The following PDZRN3 variants were observed in gnomAD, a reference collection of about 807,000 sequenced individuals.
PDZRN3 encodes the protein E3 ubiquitin-protein ligase PDZRN3.
Under a neutral mutation model 85.7 loss-of-function variants are expected in PDZRN3, and 38 were observed. The ratio of observed to expected loss-of-function variants is 0.44; its 90% CI spans 0.34 to 0.58. PDZRN3 has a LOEUF of 0.58. PDZRN3 is among the 20% of genes least tolerant of loss of function. The pLI is 0.01. For synonymous variants in PDZRN3, 759 were observed against 638.0 expected (o/e 1.19, Z -2.86); for missense variants, 1,629 against 1,506.4 (o/e 1.08, Z -1.35).
intron 2 of PDZRN3, among the ~76,000 whole-genome samples, chr3:73,607,587 T>G (rs559305835): frequency 1.3e-5 from 2 of 152,310 alleles, no homozygotes; most frequent in Admixed American, 1.3e-4. Flanking sequence ...TTCTCGTCCT[T>G]TAGGTTTCTG....
rs560738336 is a variant in PDZRN3 at position 73,383,229 on chromosome 3, T to C, written c.*136A>G. The C allele has an allele frequency of 6.9e-5, 52 of 756,612 alleles. No homozygotes were observed. In the East Asian group the frequency reaches 1.2e-3, roughly 18 times the overall value. The allele number at this position is 756,612 out of a possible 1,614,324, so 46.9% of individuals were successfully genotyped here. Reference sequence around the variant, plus strand: ...AATAGACCTATGACACCCAGAGTTGTAGGGTTTGCAAATTTGGACTATAAA... The same window carrying C: ...AATAGACCTATGACACCCAGAGTTGCAGGGTTTGCAAATTTGGACTATAAA... On this transcript the variant is annotated 3_prime_UTR_variant, in exon 10 of 10. Transcript: ENST00000263666.
intron 3 of PDZRN3, among the ~76,000 whole-genome samples, chr3:73,523,693 G>GTAGTA (rs1178658128): frequency 6.6e-6 from 1 of 152,090 alleles, no homozygotes; most frequent in Non-Finnish European, 1.5e-5. Flanking sequence ...AGAAAAATAT[G>GTAGTA]GTGGCACAAC....
chr3:73,388,074 T>TAA lies in PDZRN3; in HGVS notation c.1417-7_1417-6dup, dbSNP rs3830251. Reference sequence around the variant, plus strand: ...CTGCACCTCTATCCCATTAATCTTTTAAAAAAAAAGGGGGGGTGGGGAGAG... The same window carrying TAA: ...CTGCACCTCTATCCCATTAATCTTTTAAAAAAAAAAAGGGGGGGTGGGGAGAG... On this transcript the variant is annotated splice_region_variant and splice_polypyrimidine_tract_variant and intron_variant, in intron 7 of 9. Transcript: ENST00000263666. The TAA allele has an allele frequency of 0.013, 9,630 of 746,674 alleles. 13 individuals carry two copies. The highest frequency in any genetic ancestry group is 0.014 in the Non-Finnish European group (6,874 of 474,684). The allele number at this position is 746,674 out of a possible 1,614,324, so 46.3% of individuals were successfully genotyped here. A position where few individuals can be genotyped will look rare whatever the true frequency, so the allele number is the denominator to read the frequency against.
intron 3 of PDZRN3, among the ~76,000 whole-genome samples, chr3:73,568,554 T>G (rs901461630): frequency 3.3e-5 from 5 of 152,180 alleles, no homozygotes; most frequent in African/African-American, 1.2e-4. Context: ...ATTACTATAA[T>G]GATCAACACA....
At chr3:73,493,717 G>A (rs4342049) in intron 3 of PDZRN3, among the ~76,000 whole-genome samples, 31 of 152,342 alleles carry the variant, frequency 2.0e-4, no homozygotes, top group East Asian at 1.7e-3. Context: ...GTGATGAAGA[G>A]GTGCCTCAGG....
chr3:73,612,576 G>C (rs926068029), intron 1 of PDZRN3, among the ~76,000 whole-genome samples: 2 of 152,218 alleles, frequency 1.3e-5, no homozygotes, highest in Non-Finnish European at 2.9e-5. Context: ...TATGTCCATT[G>C]CATCTGGCAA....
chr3:73,402,027 C>T (rs1203300979), intron 4 of PDZRN3: 1 of 152,216 alleles, frequency 6.6e-6, no homozygotes, highest in African/African-American at 2.4e-5. Context: ...GCTTTTAGTA[C>T]TGAGGATACT....
At chr3:73,555,541 T>A (rs1360839443) in intron 3 of PDZRN3, among the ~76,000 whole-genome samples, 2 of 152,204 alleles carry the variant, frequency 1.3e-5, no homozygotes, top group Non-Finnish European at 2.9e-5. Context: ...ACCCTTTCCT[T>A]ATGGAAAATA....
In PDZRN3 at chr3:73,437,053, A is replaced by T. The variant is rs1037729190; in HGVS notation, c.919-32658T>A. 2.0e-3 allele frequency among the ~76,000 whole-genome samples: 311 copies of T among 151,756 alleles called. 3 individuals carry two copies. The highest frequency in any genetic ancestry group is 7.2e-3 in the African/African-American group (296 of 41,368). ...AGAGAAAGACTCTGTCTCAAAAAAA[A>T]AAAAAAAAAAAATTACTGAGAACCT... is the stretch of plus-strand genomic sequence containing the variant. On this transcript the variant is annotated intron_variant, in intron 3 of 9. Coordinates refer to ENST00000263666, the MANE Select transcript of PDZRN3 (RefSeq NM_015009.3).
rs1453478364 is a variant in PDZRN3, at chr3:73,384,852, C to G, written c.1714G>C (p.Gly572Arg). 5 of 1,614,164 alleles carry G rather than the reference C, an allele frequency of 3.1e-6. No individual in the cohort carries two copies. The highest frequency in any genetic ancestry group is 4.2e-6 in the Non-Finnish European group (5 of 1,180,028). ...SNQHEKDSGV[G>R]RTDESTRNDE... ...TTACGGGTGCTCTCGTCGGTCCGCC[C>G]CACACCGCTGTCCTTCTCGTGCTGG... The change falls in exon 10 of 10, where the codon GGG becomes CGG. Residue 572 changes from glycine to arginine, a missense_variant. Gly to Arg is a moderately radical substitution (Grantham distance 125, BLOSUM62 -2). Coordinates refer to ENST00000263666, the MANE Select transcript of PDZRN3 (RefSeq NM_015009.3).
intron 3 of PDZRN3, among the ~76,000 whole-genome samples, chr3:73,541,482 G>T (rs571610704): frequency 4.9e-4 from 75 of 152,300 alleles, no homozygotes; most frequent in African/African-American, 1.8e-3. Flanking sequence ...GATGTAGAGA[G>T]AGGTTAAGTA....
At chr3:73,595,594 T>C (rs1702420030) in intron 3 of PDZRN3, among the ~76,000 whole-genome samples, 1 of 152,184 alleles carries the variant, frequency 6.6e-6, no homozygotes, top group Non-Finnish European at 1.5e-5. Context: ...GCATATTTTT[T>C]CTCCAAAACC....
intron 3 of PDZRN3, among the ~76,000 whole-genome samples, chr3:73,417,162 T>C (rs1006463298): frequency 6.6e-6 from 1 of 152,108 alleles, no homozygotes; most frequent in African/African-American, 2.4e-5. Flanking sequence ...CACACCTGGA[T>C]GATTTTTAGT....
intron 3 of PDZRN3, among the ~76,000 whole-genome samples, chr3:73,501,498 C>A (rs1188553339): frequency 6.6e-6 from 1 of 152,234 alleles, no homozygotes; most frequent in Non-Finnish European, 1.5e-5. Context: ...CGACTCCTAA[C>A]GATTCGACTG....
chr3:73,557,447 T>C (rs1423154023), intron 3 of PDZRN3, among the ~76,000 whole-genome samples: 1 of 152,252 alleles, frequency 6.6e-6, no homozygotes. Context: ...ATATGAATTT[T>C]TCATTGCTGT....
In PDZRN3 at chr3:73,383,278, A is replaced by G. The variant is rs887348382; in HGVS notation, c.*87T>C. 3.0e-5 allele frequency: 37 copies of G among 1,252,182 alleles called. No homozygotes were observed. The African/African-American group carries it at 5.1e-4, about 17-fold the overall frequency. 77.6% of individuals were successfully genotyped at this position (1,252,182 alleles called of 1,614,324 possible). ...AACATGAAGACCGTACTTATCTTATATACAAAAACTTGCCGCATTGAACGA... is the reference window on the plus strand; with the variant it reads ...AACATGAAGACCGTACTTATCTTATGTACAAAAACTTGCCGCATTGAACGA... On this transcript the variant is annotated 3_prime_UTR_variant, in exon 10 of 10. Coordinates refer to ENST00000263666, the MANE Select transcript of PDZRN3 (RefSeq NM_015009.3).
At chr3:73,402,106 G>A (rs1253574959) in intron 4 of PDZRN3, among the ~76,000 whole-genome samples, 2 of 152,200 alleles carry the variant, frequency 1.3e-5, no homozygotes, top group Admixed American at 6.5e-5. Context: ...CGCTCTTGCT[G>A]TTGTCTGACC....
chr3:73,570,308 AAG>A (rs1427068060), intron 3 of PDZRN3, among the ~76,000 whole-genome samples: 1 of 152,248 alleles, frequency 6.6e-6, no homozygotes, highest in Admixed American at 6.5e-5. Flanking sequence ...ATACATCTAG[AAG>A]AGACAACGAA....
intron 3 of PDZRN3, among the ~76,000 whole-genome samples, chr3:73,424,255 G>A (rs901886948): frequency 9.9e-5 from 15 of 151,714 alleles, no homozygotes; most frequent in Non-Finnish European, 1.9e-4. Context: ...ATGCAGGCCA[G>A]GCATGGTGGC....
Sources: gnomAD v4.1 joint callset for allele counts (sites outside exome capture counted in the v4.1 genomes callset) on GRCh38, gnomAD v4.1.1 for gene constraint, MANE v1.5 for transcripts, NCBI Gene and HGNC (gene_info 2026-07-23, HGNC 2026-07-21) for gene names.